The following PHYHIPL variants were observed in gnomAD, a reference collection of about 807,000 sequenced individuals.
PHYHIPL encodes phytanoyl-CoA 2-hydroxylase interacting protein like, also known as phytanoyl-CoA hydroxylase-interacting protein-like.
PHYHIPL carries 9 observed loss-of-function variants against 33.4 expected under a neutral mutation model. That is an observed-to-expected ratio of 0.27 (90% CI 0.16 to 0.47). The LOEUF is 0.47. PHYHIPL is among the 20% of genes least tolerant of loss of function. The pLI is 0.99. For missense variants in PHYHIPL, 365 were observed against 460.7 expected, an observed-to-expected ratio of 0.79 and a Z score of 1.90; for synonymous variants, 153 against 154.1, an observed-to-expected ratio of 0.99 and a Z score of 0.05.
chr10:59,199,704 C>T (rs920304450), intron 1 of PHYHIPL, among the ~76,000 whole-genome samples: 28 of 152,234 alleles, frequency 1.8e-4, no homozygotes, highest in Non-Finnish European at 2.8e-4. Flanking sequence ...AATGTTCTTC[C>T]GTTTGTTTGT....
At chr10:59,206,500 T>C (rs1839289106) in intron 1 of PHYHIPL, among the ~76,000 whole-genome samples, 1 of 152,016 alleles carries the variant, frequency 6.6e-6, no homozygotes, top group South Asian at 2.1e-4. Context: ...GTAGTCTAAC[T>C]GAGTCTGTTT....
chr10:59,208,885 C>T (rs962039104), intron 1 of PHYHIPL, among the ~76,000 whole-genome samples: 39 of 151,736 alleles, frequency 2.6e-4, no homozygotes, highest in Non-Finnish European at 4.1e-4. Flanking sequence ...GAAAAAAGAA[C>T]GAAAAGGAAC....
chr10:59,235,609 T>C (rs1840206083), intron 2 of PHYHIPL, among the ~76,000 whole-genome samples: 1 of 151,838 alleles, frequency 6.6e-6, no homozygotes, highest in Admixed American at 6.6e-5. Flanking sequence ...TGAGTTCCAG[T>C]TCTGATTATG....
At chr10:59,176,189 C>A (rs559825175), upstream of PHYHIPL, among the ~76,000 whole-genome samples, 2 of 152,332 alleles carry the variant, frequency 1.3e-5, no homozygotes, top group South Asian at 2.1e-4. Flanking sequence ...GTGGCTCCCA[C>A]ACCCCAATAC....
chr10:59,173,861 G>A (rs1258920330), upstream of PHYHIPL, among the ~76,000 whole-genome samples: 2 of 150,056 alleles, frequency 1.3e-5, no homozygotes, highest in East Asian at 2.0e-4. Context: ...TAGCCTCAGG[G>A]GAAAATGAGA....
At chr10:59,231,865 C>T (rs943530227) in intron 1 of PHYHIPL, among the ~76,000 whole-genome samples, 1 of 151,990 alleles carries the variant, frequency 6.6e-6, no homozygotes, top group Non-Finnish European at 1.5e-5. Context: ...TTACAGACAA[C>T]ACTTCGATCG....
intron 1 of PHYHIPL, among the ~76,000 whole-genome samples, chr10:59,184,549 G>A (rs956747887): frequency 4.6e-5 from 7 of 152,046 alleles, no homozygotes; most frequent in Non-Finnish European, 8.8e-5. Context: ...CAGTAAGTTA[G>A]TTCTGTATGG....
At chr10:59,186,561 T>G (rs1055536896) in intron 1 of PHYHIPL, among the ~76,000 whole-genome samples, 9 of 152,230 alleles carry the variant, frequency 5.9e-5, no homozygotes, top group Non-Finnish European at 1.3e-4. Flanking sequence ...TTGGGCAGTA[T>G]GGCCATTTTC....
intron 2 of PHYHIPL, 86 bp from the exon 3 acceptor site, chr10:59,236,397 C>T: frequency 5.2e-6 from 4 of 766,514 alleles, no homozygotes; most frequent in Non-Finnish European, 7.7e-6. Context: ...TCCTTCCTCC[C>T]TTCTCCCTTT....
At chr10:59,188,278 G>C (rs1838674849) in intron 1 of PHYHIPL, among the ~76,000 whole-genome samples, 1 of 152,134 alleles carries the variant, frequency 6.6e-6, no homozygotes. Flanking sequence ...GAGCGGTTTT[G>C]AGTGAGTTTC....
At chr10:59,230,511 G>A (rs1840048412) in intron 1 of PHYHIPL, among the ~76,000 whole-genome samples, 1 of 152,120 alleles carries the variant, frequency 6.6e-6, no homozygotes, top group Non-Finnish European at 1.5e-5. Flanking sequence ...CACTGAGCTG[G>A]CCAAAAATTG....
At chr10:59,206,685 A>G (rs1839292153) in intron 1 of PHYHIPL, 1 of 624,086 alleles carries the variant, frequency 1.6e-6, no homozygotes, top group Admixed American at 4.4e-5. Context: ...ATATTGGTAC[A>G]TAAGGGAGAC....
In PHYHIPL at chr10:59,210,800, C is replaced by T. The variant is rs144257827; in HGVS notation, c.107-23504C>T. 3.3e-5 allele frequency among the ~76,000 whole-genome samples: 5 copies of T among 152,236 alleles called. No individual in the cohort carries two copies. In the East Asian group the frequency reaches 5.8e-4, roughly 18 times the overall value. On this transcript the variant is annotated intron_variant, in intron 1 of 4. Coordinates refer to ENST00000373880, the MANE Select transcript of PHYHIPL (RefSeq NM_032439.4). ...GGACTTGAGTGAAACTGGAAACCAT[C>T]ATTCTCAGCAAACTAACACAGGAAC... is the stretch of plus-strand genomic sequence containing the variant.
chr10:59,195,381 A>G (rs1236520625), intron 1 of PHYHIPL, among the ~76,000 whole-genome samples: 1 of 152,204 alleles, frequency 6.6e-6, no homozygotes, highest in Non-Finnish European at 1.5e-5. Context: ...ACCCAAAGAA[A>G]TGGGTAAAAC....
chr10:59,207,890 C>CAA (rs1196589789), intron 1 of PHYHIPL, among the ~76,000 whole-genome samples: 2,621 of 91,332 alleles, frequency 0.029, 96 homozygotes, highest in African/African-American at 0.097. Flanking sequence ...GACTCTGTCT[C>CAA]AAAAAAAAAA....
At chr10:59,177,113 C>T (rs532889326) in intron 1 of PHYHIPL, 154 bp downstream of exon 1, 34 of 650,932 alleles carry the variant, frequency 5.2e-5, no homozygotes, top group African/African-American at 5.2e-4. Flanking sequence ...CTCCGCCCAC[C>T]GCCCTCCCCT....
intron 1 of PHYHIPL, among the ~76,000 whole-genome samples, chr10:59,223,992 G>C (rs1444065634): frequency 1.3e-5 from 2 of 152,126 alleles, no homozygotes; most frequent in African/African-American, 4.8e-5. Flanking sequence ...AATAAGCTAA[G>C]GCTCAGAGAG....
intron 1 of PHYHIPL, among the ~76,000 whole-genome samples, chr10:59,186,175 T>C (rs1297715452): frequency 6.6e-6 from 1 of 152,198 alleles, no homozygotes; most frequent in Non-Finnish European, 1.5e-5. Flanking sequence ...GTTTCAGCTT[T>C]CTCCATATGG....
chr10:59,174,342 A>C (rs925612897), upstream of PHYHIPL, among the ~76,000 whole-genome samples: 11 of 152,090 alleles, frequency 7.2e-5, no homozygotes, highest in African/African-American at 2.7e-4. Flanking sequence ...CTCTGACTAA[A>C]TCCTTCATAC....
Sources: allele counts gnomAD v4.1 joint callset (sites outside exome capture counted in the v4.1 genomes callset), GRCh38; gene constraint gnomAD v4.1.1; transcripts MANE v1.5; gene names NCBI Gene and HGNC (gene_info 2026-07-23, HGNC 2026-07-21).